MAP2K5: variants seen among roughly 807,000 people sequenced by gnomAD.
MAP2K5 encodes dual specificity mitogen-activated protein kinase kinase 5.
In MAP2K5, 49 loss-of-function variants were observed where a neutral mutation model predicts 83.1. That is an observed-to-expected ratio of 0.59 (90% CI 0.47 to 0.75). The LOEUF is 0.75. Among genes scored for constraint, MAP2K5 ranks in the 30% least tolerant of loss-of-function variants. The pLI is 0.00. For missense variants in MAP2K5, 457 were observed against 557.5 expected (o/e 0.82, Z 1.82); for synonymous variants, 202 against 191.8 (o/e 1.05, Z -0.44).
Position 67,768,005 on chromosome 15 carries a change from A to T in MAP2K5, c.1135-1597A>T, listed in dbSNP as rs1393743601. The stretch of plus-strand genomic sequence containing the variant: ...ATTTAAAGAGGACAGATATGCAAAA[A>T]CCAAGAAACATTTTGTTCATGTTTC... On this transcript the variant is annotated intron_variant, in intron 19 of 21. Coordinates refer to ENST00000178640, the MANE Select transcript of MAP2K5 (RefSeq NM_145160.3). The surrounding 1 kb of genome is among the most constrained non-coding windows in gnomAD (Gnocchi z 4.0). Among the ~76,000 whole-genome samples the T allele has an allele frequency of 6.6e-6, 1 of 152,144 alleles. No homozygotes were observed. Among genetic ancestry groups the T allele is most frequent in the African/African-American group, 2.4e-5 (1 of 41,438 alleles).
chr15:67,602,884 C>G (rs1315878088), intron 8 of MAP2K5, among the ~76,000 whole-genome samples: 2 of 152,152 alleles, frequency 1.3e-5, no homozygotes, highest in Non-Finnish European at 2.9e-5. Context: ...GAGCTCCTGA[C>G]CTCGTGATTC....
chr15:67,732,825 C>T (rs1262354381), intron 17 of MAP2K5, among the ~76,000 whole-genome samples: 1 of 152,104 alleles, frequency 6.6e-6, no homozygotes, highest in South Asian at 2.1e-4. Context: ...ATTTAGGGTT[C>T]CTGGTGCATC....
chr15:67,702,536 G>A lies in MAP2K5; in HGVS notation c.973-801G>A, dbSNP rs965219150. 6.6e-6 allele frequency among the ~76,000 whole-genome samples: 1 copy of A among 152,164 alleles called. No homozygotes were observed. The highest frequency in any genetic ancestry group is 1.5e-5 in the Non-Finnish European group (1 of 68,030). On this transcript the variant is annotated intron_variant, in intron 15 of 21. Transcript: ENST00000178640. The surrounding 1 kb of genome is among the most constrained non-coding windows in gnomAD (Gnocchi z 4.6). ...GTTTCTCTTATTCATTTGTTCACGT[G>A]TTCATTCCAAAGCCATCTATGAAGT... is the stretch of plus-strand genomic sequence containing the variant.
rs935060632 is a variant in MAP2K5 at position 67,750,706 on chromosome 15, G to A, written c.1134+2105G>A. 6.6e-6 allele frequency among the ~76,000 whole-genome samples: 1 copy of A among 152,030 alleles called. No individual in the cohort carries two copies. Among genetic ancestry groups the A allele is most frequent in the African/African-American group, 2.4e-5 (1 of 41,374 alleles). The stretch of plus-strand genomic sequence containing the variant: ...TCAAACTTCCCTAACTGCTTGCCAG[G>A]GCTAAGTCTTCCCCTTTAGTTCCCA... On this transcript the variant is annotated intron_variant, in intron 19 of 21. Transcript: ENST00000178640. This position sits in a 1 kb window ranked among gnomAD's most constrained non-coding sequence, Gnocchi z 4.2.
intron 11 of MAP2K5, among the ~76,000 whole-genome samples, chr15:67,653,205 TC>T (rs1300813718): frequency 6.6e-6 from 1 of 152,162 alleles, no homozygotes; most frequent in Admixed American, 6.5e-5. Context: ...CCTCTTCCAT[TC>T]CAGATTTTAG....
intron 2 of MAP2K5, among the ~76,000 whole-genome samples, chr15:67,553,919 CAAAAAAAAA>C (rs71142378): frequency 5.0e-5 from 4 of 80,102 alleles, no homozygotes; most frequent in African/African-American, 5.1e-5. Flanking sequence ...GACTCCATCT[CAAAAAAAAA>C]AAAAAAAAAA....
At position 67,793,780 on chromosome 15, in the gene MAP2K5, G is replaced by C. The variant is rs1430613923; in HGVS notation, c.1243-12866G>C. Among the ~76,000 whole-genome samples, 2 of 152,140 alleles carry C rather than the reference G, an allele frequency of 1.3e-5. No homozygotes were observed. The highest frequency in any genetic ancestry group is 2.9e-5 in the Non-Finnish European group (2 of 68,022). ...GATCACGTTGTATATAAATGTCCAA[G>C]TTTGAAGCAATATGATTATTTTGAT... On this transcript the variant is annotated intron_variant, in intron 21 of 21. Transcript: ENST00000178640. The surrounding 1 kb of genome is among the most constrained non-coding windows in gnomAD (Gnocchi z 4.6).
chr15:67,556,825 TTA>T (rs2084637491), intron 2 of MAP2K5, among the ~76,000 whole-genome samples: 1 of 152,220 alleles, frequency 6.6e-6, no homozygotes, highest in Non-Finnish European at 1.5e-5. Context: ...AGTGCTGGCA[TTA>T]CAGGTATGAG....
rs2088866137 is a variant in MAP2K5 at position 67,717,957 on chromosome 15, C to G, written c.1045-9959C>G. The G allele has an allele frequency of 6.6e-6, 1 of 152,192 alleles. No individual in the cohort carries two copies. Among genetic ancestry groups the G allele is most frequent in the African/African-American group, 2.4e-5 (1 of 41,438 alleles). 9.4% of individuals were successfully genotyped at this position (152,192 alleles called of 1,614,324 possible). On this transcript the variant is annotated intron_variant, in intron 16 of 21. Transcript: ENST00000178640. This position sits in a 1 kb window ranked among gnomAD's most constrained non-coding sequence, Gnocchi z 4.1. ...ATGATGAAACAACAGGGTCACATTC[C>G]AAAAGAGCATCTTGGGCTGTAGATT...
chr15:67,649,174 A>G (rs2086899119), intron 11 of MAP2K5, among the ~76,000 whole-genome samples: 1 of 152,112 alleles, frequency 6.6e-6, no homozygotes, highest in Non-Finnish European at 1.5e-5. Context: ...CTTATTGGCC[A>G]TTTGTATACC....
In MAP2K5 at chr15:67,574,120, T is replaced by C. The variant is rs115271485; in HGVS notation, c.253-6634T>C. ...CCATCTCTTGGGGTATGGATAAGGA[T>C]CCCTTTCTGATAACAGTATTTCTCA... On this transcript the variant is annotated intron_variant, in intron 3 of 21. Transcript: ENST00000178640. Among the ~76,000 whole-genome samples the C allele has an allele frequency of 5.6e-3, 857 of 152,350 alleles. 7 individuals carry two copies. Among genetic ancestry groups the C allele is most frequent in the African/African-American group, 0.02 (824 of 41,578 alleles).
intron 21 of MAP2K5, among the ~76,000 whole-genome samples, chr15:67,796,193 A>C (rs2090601648): frequency 6.6e-6 from 1 of 152,140 alleles, no homozygotes; most frequent in African/African-American, 2.4e-5. Flanking sequence ...TTTTTTGTAC[A>C]GTCCTATTTT....
intron 8 of MAP2K5, among the ~76,000 whole-genome samples, chr15:67,603,487 CT>C (rs1446659797): frequency 6.6e-6 from 1 of 152,126 alleles, no homozygotes; most frequent in Non-Finnish European, 1.5e-5. Flanking sequence ...TGACAGTATC[CT>C]GATAATTTTC....
intron 2 of MAP2K5, among the ~76,000 whole-genome samples, chr15:67,557,833 G>T (rs2084659098): frequency 6.6e-6 from 1 of 152,106 alleles, no homozygotes; most frequent in African/African-American, 2.4e-5. Context: ...ATATTTGGAA[G>T]AAATGAAGTT....
intron 19 of MAP2K5, among the ~76,000 whole-genome samples, chr15:67,752,419 C>G (rs2089739411): frequency 1.3e-5 from 2 of 151,996 alleles, no homozygotes; most frequent in African/African-American, 4.8e-5. Context: ...GTGGCTCACG[C>G]CTGTAATTCC....
In MAP2K5 at chr15:67,769,777, C is replaced by A; in HGVS notation, c.1196+114C>A. 2 of 988,436 alleles carry A rather than the reference C, an allele frequency of 2.0e-6. No homozygotes were observed. Among genetic ancestry groups the A allele is most frequent in the Admixed American group, 2.3e-5 (1 of 44,356 alleles). The allele number at this position is 988,436 out of a possible 1,614,324, so 61.2% of individuals were successfully genotyped here. The stretch of plus-strand genomic sequence containing the variant: ...TGCATCCTTTTGGAGACAGGAGGGA[C>A]TTCGGGGCCTTGGGCAGATGGGGCA... On this transcript the variant is annotated intron_variant, in intron 20 of 21. Transcript: ENST00000178640. The surrounding 1 kb of genome is among the most constrained non-coding windows in gnomAD (Gnocchi z 5.2).
At chr15:67,593,004 C>T in intron 7 of MAP2K5, 30 bp downstream of exon 7, 1 of 1,410,312 alleles carries the variant, frequency 7.1e-7, no homozygotes, top group South Asian at 1.2e-5. Context: ...AAGATTTTCA[C>T]ATAATAATAA....
chr15:67,600,113 C>T (rs2141025221), intron 7 of MAP2K5, among the ~76,000 whole-genome samples: 1 of 152,158 alleles, frequency 6.6e-6, no homozygotes, highest in Non-Finnish European at 1.5e-5. Flanking sequence ...CGTGCTTTTC[C>T]ATCTTCATAA....
At chr15:67,711,568 C>T (rs559891241) in intron 16 of MAP2K5, among the ~76,000 whole-genome samples, 1 of 152,328 alleles carries the variant, frequency 6.6e-6, no homozygotes, top group East Asian at 1.9e-4. Flanking sequence ...AATCAGACTG[C>T]TAATTTGGTT....
Sources: gnomAD v4.1 joint callset for allele counts (sites outside exome capture counted in the v4.1 genomes callset) on GRCh38, gnomAD v4.1.1 for gene constraint, Gnocchi (gnomAD v3.1) non-coding constraint, MANE v1.5 for transcripts, NCBI Gene and HGNC (gene_info 2026-07-23, HGNC 2026-07-21) for gene names.